CACNB2: variants seen among roughly 807,000 people sequenced by gnomAD.
The protein encoded by CACNB2 is calcium voltage-gated channel auxiliary subunit beta 2.
Under a neutral mutation model 73.3 loss-of-function variants are expected in CACNB2, and 42 were observed. The observed-to-expected ratio is 0.57, with a 90% CI of 0.45 to 0.74. The LOEUF (loss-of-function observed/expected upper bound fraction) is 0.74. Among genes scored for constraint, CACNB2 ranks in the 30% least tolerant of loss-of-function variants. CACNB2 has a pLI of 0.00. For missense variants in CACNB2, 940 were observed against 853.0 expected, an observed-to-expected ratio of 1.10 and a Z score of -1.27; for synonymous variants, 348 against 310.3, an observed-to-expected ratio of 1.12 and a Z score of -1.28.
rs1409753492 is a variant in CACNB2 at position 18,236,251 on chromosome 10, C to T, written c.213+85276C>T. Among the ~76,000 whole-genome samples the T allele has an allele frequency of 2.6e-5, 4 of 152,152 alleles. No individual in the cohort carries two copies. In the South Asian group the frequency reaches 8.3e-4, roughly 32 times the overall value. ...GGCTGATGCCGTTCTGTCACTCTGT[C>T]TACTTACAAGCAGAGACATTCGCCA... On this transcript the variant is annotated intron_variant, in intron 2 of 13. Transcript: ENST00000324631.
intron 2 of CACNB2, among the ~76,000 whole-genome samples, chr10:18,151,565 C>T (rs1304229105): frequency 2.0e-5 from 3 of 152,116 alleles, no homozygotes. Context: ...ACAGACAGTG[C>T]CAGGCTCCCT....
At chr10:18,275,233 A>T (rs1467026436) in intron 2 of CACNB2, among the ~76,000 whole-genome samples, 1 of 152,154 alleles carries the variant, frequency 6.6e-6, no homozygotes, top group African/African-American at 2.4e-5. Flanking sequence ...CCAGCTATAG[A>T]CTTTCGTTTT....
chr10:18,369,400 T>G (rs1210578227), intron 2 of CACNB2, among the ~76,000 whole-genome samples: 2 of 152,328 alleles, frequency 1.3e-5, no homozygotes, highest in East Asian at 3.9e-4. Context: ...CCTTGATCTT[T>G]TTAATGCATT....
In CACNB2 at chr10:18,523,669, C is replaced by T. The variant is rs2052153007; in HGVS notation, c.945-3919C>T. ...ACAAATTTAACATTTTTACCCATGG[C>T]AAGACATCTAGAGTAACTGAATTAT... On this transcript the variant is annotated intron_variant, in intron 9 of 13. Transcript: ENST00000324631. 2.0e-5 allele frequency among the ~76,000 whole-genome samples: 3 copies of T among 152,090 alleles called. No homozygotes were observed. In the South Asian group the frequency reaches 6.2e-4, roughly 32 times the overall value.
chr10:18,481,371 C>T lies in CACNB2; in HGVS notation c.334-16984C>T, dbSNP rs1262954177. Among the ~76,000 whole-genome samples the T allele has an allele frequency of 5.4e-5, 8 of 146,792 alleles. No individual in the cohort carries two copies. The East Asian group carries it at 6.2e-4, about 11-fold the overall frequency. On this transcript the variant is annotated intron_variant, in intron 3 of 13. Transcript: ENST00000324631. Reference sequence around the variant, plus strand: ...AAGTGATTCTTTTGCCTTAGCCTTCCGAGTAGCTGGGACTACAGGTGTGCA... The same window carrying T: ...AAGTGATTCTTTTGCCTTAGCCTTCTGAGTAGCTGGGACTACAGGTGTGCA...
chr10:18,402,391 G>GAAA (rs57043162), intron 3 of CACNB2, among the ~76,000 whole-genome samples: 30,962 of 143,646 alleles, frequency 0.22, 3,599 homozygotes, highest in South Asian at 0.31. Flanking sequence ...TCTCTGTTAA[G>GAAA]AAAAAAAAAA....
chr10:18,522,258 CA>C (rs937999297), intron 9 of CACNB2, among the ~76,000 whole-genome samples: 4 of 151,954 alleles, frequency 2.6e-5, no homozygotes, highest in African/African-American at 9.7e-5. Context: ...ATAATCACTT[CA>C]TTATATATTC....
At chr10:18,307,217 A>C (rs1195367706) in intron 2 of CACNB2, among the ~76,000 whole-genome samples, 2 of 152,196 alleles carry the variant, frequency 1.3e-5, no homozygotes, top group Non-Finnish European at 2.9e-5. Context: ...TAATTCCAGC[A>C]CTTTGGGAGG....
At chr10:18,302,697 C>G (rs1564418964) in intron 2 of CACNB2, among the ~76,000 whole-genome samples, 1 of 151,810 alleles carries the variant, frequency 6.6e-6, no homozygotes, top group Non-Finnish European at 1.5e-5. Flanking sequence ...TTTGAGGACT[C>G]AGGGGGAAAG....
At chr10:18,309,501 A>G (rs1446380630) in intron 2 of CACNB2, among the ~76,000 whole-genome samples, 2 of 152,164 alleles carry the variant, frequency 1.3e-5, no homozygotes, top group Admixed American at 1.3e-4. Flanking sequence ...CTCTGTCGCC[A>G]GGCTGGAGTG....
chr10:18,392,969 G>A (rs541772492), intron 2 of CACNB2, among the ~76,000 whole-genome samples: 1 of 152,142 alleles, frequency 6.6e-6, no homozygotes, highest in Admixed American at 6.6e-5. Context: ...AGCACTTTGG[G>A]AGGCCGAGGC....
At chr10:18,408,960 C>T (rs1210844499) in intron 3 of CACNB2, among the ~76,000 whole-genome samples, 1 of 152,134 alleles carries the variant, frequency 6.6e-6, no homozygotes, top group Non-Finnish European at 1.5e-5. Context: ...TCAAGTGATC[C>T]TCCCACCTCA....
At chr10:18,332,230 C>T (rs528017629) in intron 2 of CACNB2, among the ~76,000 whole-genome samples, 14 of 152,244 alleles carry the variant, frequency 9.2e-5, no homozygotes, top group Non-Finnish European at 1.9e-4. Context: ...GATTGGACAG[C>T]GTCCAAGAGA....
intron 2 of CACNB2, among the ~76,000 whole-genome samples, chr10:18,370,572 T>C (rs1487157876): frequency 2.0e-5 from 3 of 152,196 alleles, no homozygotes; most frequent in African/African-American, 7.2e-5. Flanking sequence ...AGTGCTGGGA[T>C]TACTGGCATG....
intron 3 of CACNB2, among the ~76,000 whole-genome samples, chr10:18,403,460 A>C (rs933801952): frequency 6.6e-6 from 1 of 152,186 alleles, no homozygotes; most frequent in Non-Finnish European, 1.5e-5. Context: ...AGATTGTTCT[A>C]TTTGCGGCTA....
At chr10:18,304,746 C>G (rs944604351) in intron 2 of CACNB2, among the ~76,000 whole-genome samples, 1 of 152,146 alleles carries the variant, frequency 6.6e-6, no homozygotes, top group Non-Finnish European at 1.5e-5. Context: ...AATGTTAGCT[C>G]GATGCTATTA....
At chr10:18,532,971 G>A (rs1369067817) in intron 10 of CACNB2, 1 of 151,292 alleles carries the variant, frequency 6.6e-6, no homozygotes, top group East Asian at 1.9e-4. Flanking sequence ...AGATATCTAG[G>A]TAAAAAAAAA....
intron 2 of CACNB2, among the ~76,000 whole-genome samples, chr10:18,280,384 GGCACTGTGT>G (rs2038489608): frequency 6.6e-6 from 1 of 152,062 alleles, no homozygotes; most frequent in Non-Finnish European, 1.5e-5. Flanking sequence ...GAGGCACAAG[GGCACTGTGT>G]CCAAGGATGC....
At chr10:18,368,920 C>G (rs1214327251) in intron 2 of CACNB2, among the ~76,000 whole-genome samples, 1 of 152,080 alleles carries the variant, frequency 6.6e-6, no homozygotes, top group Non-Finnish European at 1.5e-5. Flanking sequence ...GAGAACCAGT[C>G]TGCACGTGAC....
Sources: gnomAD v4.1 joint callset for allele counts (sites outside exome capture counted in the v4.1 genomes callset) on GRCh38, gnomAD v4.1.1 for gene constraint, MANE v1.5 for transcripts, NCBI Gene and HGNC (gene_info 2026-07-23, HGNC 2026-07-21) for gene names.